Variants in CREB5 observed in about 807,000 individuals in gnomAD.
CREB5 encodes cyclic AMP-responsive element-binding protein 5.
In CREB5, 19 loss-of-function variants were observed where a neutral mutation model predicts 57.1. The observed-to-expected ratio is 0.33, with a 90% confidence interval of 0.23 to 0.49. The LOEUF is 0.49. CREB5 is among the 20% of genes least tolerant of loss of function. The probability of loss-of-function intolerance (pLI) is 0.99; values close to 1 mark genes in which losing one functional copy is unlikely to be tolerated. For synonymous variants in CREB5, 238 were observed against 238.3 expected (o/e 1.00, Z 0.01); for missense variants, 579 against 671.6 (o/e 0.86, Z 1.52).
intron 5 of CREB5, among the ~76,000 whole-genome samples, chr7:28,653,140 CTA>C (rs1179689006): frequency 6.6e-6 from 1 of 152,158 alleles, no homozygotes; most frequent in Non-Finnish European, 1.5e-5. Context: ...CAAATATAAA[CTA>C]TTCCTTTTAA....
intron 1 of CREB5, among the ~76,000 whole-genome samples, chr7:28,343,009 G>A (rs545740884): frequency 1.3e-5 from 2 of 151,670 alleles, no homozygotes; most frequent in Non-Finnish European, 2.9e-5. Context: ...GGCACAATCT[G>A]GGCTCACTGC....
intron 5 of CREB5, among the ~76,000 whole-genome samples, chr7:28,645,745 C>T (rs1384368970): frequency 1.3e-5 from 2 of 152,146 alleles, no homozygotes; most frequent in Admixed American, 6.5e-5. Context: ...TTTAATTTTA[C>T]GTGTCAATTT....
intron 5 of CREB5, among the ~76,000 whole-genome samples, chr7:28,676,379 A>G (rs577711474): frequency 6.6e-6 from 1 of 152,234 alleles, no homozygotes; most frequent in South Asian, 2.1e-4. Context: ...TTAATATGAC[A>G]AAGAGTTGGT....
At chr7:28,526,583 T>C (rs1793457031) in intron 4 of CREB5, among the ~76,000 whole-genome samples, 1 of 152,376 alleles carries the variant, frequency 6.6e-6, no homozygotes, top group African/African-American at 2.4e-5. Flanking sequence ...TTTTGGTTAC[T>C]ACAGAACATT....
chr7:28,646,679 A>G (rs1798902006), intron 5 of CREB5, among the ~76,000 whole-genome samples: 1 of 152,190 alleles, frequency 6.6e-6, no homozygotes, highest in Admixed American at 6.5e-5. Context: ...AAAGGAAAGA[A>G]TATTTTTGAC....
intron 1 of CREB5, among the ~76,000 whole-genome samples, chr7:28,430,343 G>A (rs1788666576): frequency 6.6e-6 from 1 of 152,186 alleles, no homozygotes; most frequent in Admixed American, 6.5e-5. Context: ...TGGGGAAATG[G>A]TGGCCAAGAA....
At chr7:28,366,380 C>T (rs1314124904) in intron 1 of CREB5, among the ~76,000 whole-genome samples, 2 of 152,076 alleles carry the variant, frequency 1.3e-5, no homozygotes, top group South Asian at 2.1e-4. Context: ...AACATAGATT[C>T]TTAGGACATG....
intron 1 of CREB5, among the ~76,000 whole-genome samples, chr7:28,370,456 C>T (rs912510413): frequency 3.9e-5 from 6 of 152,116 alleles, no homozygotes; most frequent in African/African-American, 9.7e-5. Context: ...ATAAAAGTGA[C>T]GTTCTGGTTC....
At chr7:28,658,949 G>GTGTGTATATATATATATATATATATATA (rs1554281503) in intron 5 of CREB5, among the ~76,000 whole-genome samples, 3,126 of 46,606 alleles carry the variant, frequency 0.067, 201 homozygotes, top group Non-Finnish European at 0.12. Flanking sequence ...ATATGTGTGT[G>GTGTGTATATATATATATATATATATATA]TGTGTATATA....
rs554023443 is a variant in CREB5 at position 28,465,252 on chromosome 7, A to G, written c.4-22923A>G. 4.9e-4 allele frequency among the ~76,000 whole-genome samples: 75 copies of G among 152,308 alleles called. No homozygotes were observed. In the Middle Eastern group the frequency reaches 0.01, roughly 21 times the overall value. On this transcript the variant is annotated intron_variant, in intron 1 of 10. Transcript: ENST00000357727. Reference sequence around the variant, plus strand: ...AATTATTCCCTCGAGGTTGCCTCAAACTTAAGTCTAGGCTTGTGCTAGGAG... The same window carrying G: ...AATTATTCCCTCGAGGTTGCCTCAAGCTTAAGTCTAGGCTTGTGCTAGGAG...
At position 28,745,974 on chromosome 7, in the gene CREB5, G is replaced by T. The variant is rs540892598; in HGVS notation, c.702+21642G>T. 5.3e-5 allele frequency among the ~76,000 whole-genome samples: 8 copies of T among 152,264 alleles called. No homozygotes were observed. In the South Asian group the frequency reaches 8.3e-4, roughly 16 times the overall value. ...CTCAAGCCCTCCTGGAGGAAGTCCA[G>T]ATCAATGCTTCTACTCACTGTCCTC... On this transcript the variant is annotated intron_variant, in intron 7 of 10. Transcript: ENST00000357727.
intron 4 of CREB5, among the ~76,000 whole-genome samples, chr7:28,520,395 A>C (rs767608066): frequency 6.6e-6 from 1 of 152,180 alleles, no homozygotes; most frequent in South Asian, 2.1e-4. Flanking sequence ...CCAAACAAGA[A>C]TTACTCATAT....
At chr7:28,743,871 C>CT (rs1449692194) in intron 7 of CREB5, among the ~76,000 whole-genome samples, 2 of 86,644 alleles carry the variant, frequency 2.3e-5, no homozygotes, top group South Asian at 4.5e-4. Flanking sequence ...TTATTATACT[C>CT]TAAGTTTTAG....
intron 5 of CREB5, among the ~76,000 whole-genome samples, chr7:28,653,532 C>G (rs1170807708): frequency 6.6e-6 from 1 of 152,222 alleles, no homozygotes; most frequent in Non-Finnish European, 1.5e-5. Context: ...GAGTTTACTA[C>G]TCAACCAAGA....
intron 1 of CREB5, among the ~76,000 whole-genome samples, chr7:28,327,951 T>A (rs1337695520): frequency 6.6e-6 from 1 of 152,216 alleles, no homozygotes; most frequent in Non-Finnish European, 1.5e-5. Flanking sequence ...CTTATTACAT[T>A]TAGCCTCTGC....
intron 5 of CREB5, among the ~76,000 whole-genome samples, chr7:28,580,558 G>GTTGTGTGTGT (rs374980944): frequency 8.8e-5 from 11 of 124,974 alleles, no homozygotes; most frequent in Admixed American, 1.5e-4. Context: ...TTGGCAAATT[G>GTTGTGTGTGT]GTGTGTGTGT....
chr7:28,427,236 G>C (rs1035766702), intron 1 of CREB5, among the ~76,000 whole-genome samples: 2 of 152,106 alleles, frequency 1.3e-5, no homozygotes, highest in African/African-American at 4.8e-5. Flanking sequence ...TTTAATCAGA[G>C]CATAGACATA....
intron 1 of CREB5, among the ~76,000 whole-genome samples, chr7:28,465,821 G>T (rs760975210): frequency 2.0e-5 from 3 of 151,924 alleles, no homozygotes; most frequent in African/African-American, 7.3e-5. Flanking sequence ...ATAATCTTTC[G>T]CATGAGTGTC....
At chr7:28,524,456 C>G (rs912020638) in intron 4 of CREB5, among the ~76,000 whole-genome samples, 12 of 151,876 alleles carry the variant, frequency 7.9e-5, no homozygotes, top group Non-Finnish European at 1.0e-4. Context: ...GAGCCGAGAT[C>G]GTGTCACTGC....
Sources: gnomAD v4.1 joint callset for allele counts (sites outside exome capture counted in the v4.1 genomes callset) on GRCh38, gnomAD v4.1.1 for gene constraint, MANE v1.5 for transcripts, NCBI Gene and HGNC (gene_info 2026-07-23, HGNC 2026-07-21) for gene names.